PSD3: variants seen among roughly 807,000 people sequenced by gnomAD.
The protein encoded by PSD3 is PH and SEC7 domain-containing protein 3.
PSD3 carries 49 observed loss-of-function variants against 105.5 expected under a neutral mutation model. The ratio of observed to expected loss-of-function variants is 0.46; its 90% confidence interval spans 0.37 to 0.59. The LOEUF is 0.59. PSD3 is among the 20% of genes least tolerant of loss of function. The probability of loss-of-function intolerance (pLI) is 0.00; values close to 1 mark genes in which losing one functional copy is unlikely to be tolerated. For synonymous variants in PSD3, 557 were observed against 457.8 expected (o/e 1.22, Z -2.77); for missense variants, 1,561 against 1,263.8 (o/e 1.24, Z -3.57).
At chr8:18,911,452 G>A (rs900443468) in intron 2 of PSD3, among the ~76,000 whole-genome samples, 4 of 152,218 alleles carry the variant, frequency 2.6e-5, no homozygotes, top group Middle Eastern at 3.4e-3. Context: ...TGGCAGACCC[G>A]TGACTTCCTT....
At chr8:18,952,202 C>T (rs976517552) in intron 1 of PSD3, among the ~76,000 whole-genome samples, 1 of 152,134 alleles carries the variant, frequency 6.6e-6, no homozygotes, top group South Asian at 2.1e-4. Flanking sequence ...CCTACTCCTC[C>T]CCTACCCACA....
At chr8:19,044,123 G>A (rs1055447903) in intron 1 of PSD3, among the ~76,000 whole-genome samples, 7 of 152,190 alleles carry the variant, frequency 4.6e-5, no homozygotes, top group African/African-American at 1.7e-4. Flanking sequence ...GTGCTACACT[G>A]ATGAGCTCTA....
intron 1 of PSD3, among the ~76,000 whole-genome samples, chr8:18,948,638 G>C (rs1823011040): frequency 6.6e-6 from 1 of 152,122 alleles, no homozygotes; most frequent in Non-Finnish European, 1.5e-5. Flanking sequence ...AAAAAGCCTT[G>C]AAACCTTGGA....
At chr8:18,747,216 G>A (rs1289153930) in intron 9 of PSD3, among the ~76,000 whole-genome samples, 2 of 152,224 alleles carry the variant, frequency 1.3e-5, no homozygotes, top group African/African-American at 4.8e-5. Flanking sequence ...GTGGGTACCT[G>A]CAGGTGTACA....
intron 2 of PSD3, among the ~76,000 whole-genome samples, chr8:18,907,374 G>C (rs1419888118): frequency 6.6e-6 from 1 of 152,096 alleles, no homozygotes; most frequent in African/African-American, 2.4e-5. Context: ...GGGTCTCGCT[G>C]TGTTGCCCAG....
chr8:18,542,864 G>A (rs902707840), intron 15 of PSD3, among the ~76,000 whole-genome samples: 3 of 152,068 alleles, frequency 2.0e-5, no homozygotes, highest in African/African-American at 7.2e-5. Context: ...GCTACCTTTG[G>A]TTATGTTATT....
At chr8:18,655,490 G>C in intron 10 of PSD3, 152 bp downstream of exon 10, 3 of 724,850 alleles carry the variant, frequency 4.1e-6, no homozygotes, top group Admixed American at 2.5e-5. Context: ...GGGTTTACTT[G>C]TATAAAGCCA....
intron 11 of PSD3, among the ~76,000 whole-genome samples, chr8:18,616,865 C>T (rs910534373): frequency 4.6e-5 from 7 of 151,936 alleles, no homozygotes; most frequent in East Asian, 2.0e-4. Flanking sequence ...CCTCGTGATC[C>T]GCCCGCCTCG....
chr8:18,622,875 C>A (rs1398352245), intron 11 of PSD3, among the ~76,000 whole-genome samples: 1 of 152,194 alleles, frequency 6.6e-6, no homozygotes, highest in Non-Finnish European at 1.5e-5. Flanking sequence ...CTTCTATCAT[C>A]TGTACTCTTA....
chr8:18,935,515 A>C (rs1822054461), intron 2 of PSD3, among the ~76,000 whole-genome samples: 1 of 150,702 alleles, frequency 6.6e-6, no homozygotes, highest in African/African-American at 2.4e-5. Flanking sequence ...GTCTCTTAAA[A>C]AAAAAAAAAA....
intron 9 of PSD3, among the ~76,000 whole-genome samples, chr8:18,735,726 T>G (rs1349874264): frequency 1.3e-5 from 2 of 152,066 alleles, no homozygotes. Context: ...TCAGTACAAA[T>G]TTATGAGGCT....
chr8:18,697,497 T>C (rs1177393601), intron 9 of PSD3, among the ~76,000 whole-genome samples: 2 of 152,230 alleles, frequency 1.3e-5, no homozygotes, highest in East Asian at 3.8e-4. Context: ...AGTATTAAGG[T>C]CTGAGGTCCA....
intron 2 of PSD3, among the ~76,000 whole-genome samples, chr8:18,928,713 TTTCC>T (rs1372986113): frequency 4.6e-5 from 7 of 152,110 alleles, no homozygotes; most frequent in Admixed American, 2.6e-4. Flanking sequence ...TCTCTTTTTC[TTTCC>T]TTCCTTCCTT....
At chr8:18,578,128 C>T (rs1055347115) in intron 12 of PSD3, among the ~76,000 whole-genome samples, 1 of 145,762 alleles carries the variant, frequency 6.9e-6, no homozygotes, top group African/African-American at 2.4e-5. Flanking sequence ...ATTATTTTCT[C>T]TTTTTCTTGT....
chr8:18,819,575 A>ATTTTTTT (rs746931460), intron 4 of PSD3, among the ~76,000 whole-genome samples: 2,646 of 111,262 alleles, frequency 0.024, 204 homozygotes, highest in East Asian at 0.052. Context: ...ATTAGAATGG[A>ATTTTTTT]TTTTTTTTTT....
chr8:18,798,500 G>T (rs1389669060), intron 8 of PSD3, among the ~76,000 whole-genome samples: 1 of 152,048 alleles, frequency 6.6e-6, no homozygotes, highest in Non-Finnish European at 1.5e-5. Context: ...TCCAAAAAAG[G>T]AAATTATGTG....
At chr8:19,008,439 G>A (rs1454861058) in intron 1 of PSD3, among the ~76,000 whole-genome samples, 1 of 152,114 alleles carries the variant, frequency 6.6e-6, no homozygotes, top group Non-Finnish European at 1.5e-5. Context: ...ACACAGTCAC[G>A]AAGACAGCAG....
At chr8:18,954,167 T>C (rs1454774003) in intron 1 of PSD3, among the ~76,000 whole-genome samples, 1 of 151,912 alleles carries the variant, frequency 6.6e-6, no homozygotes, top group Admixed American at 6.6e-5. Context: ...TTAAGGACCA[T>C]CTGTATTAGC....
At chr8:19,080,375 T>G (rs1222005254) in intron 1 of PSD3, among the ~76,000 whole-genome samples, 1 of 152,152 alleles carries the variant, frequency 6.6e-6, no homozygotes, top group Non-Finnish European at 1.5e-5. Flanking sequence ...CAGAGCTTCT[T>G]TGTTATCTTG....
Sources: allele counts gnomAD v4.1 joint callset (sites outside exome capture counted in the v4.1 genomes callset), GRCh38; gene constraint gnomAD v4.1.1; transcripts MANE v1.5; gene names NCBI Gene and HGNC (gene_info 2026-07-23, HGNC 2026-07-21).